Variants in ERC2 observed in about 807,000 individuals in gnomAD.
The protein encoded by ERC2 is ELKS/RAB6-interacting/CAST family member 2.
Under a neutral mutation model 114.8 loss-of-function variants are expected in ERC2, and 42 were observed. That is an observed-to-expected ratio of 0.37 (90% CI 0.29 to 0.47). ERC2 has a LOEUF of 0.47. ERC2 is among the 20% of genes least tolerant of loss of function. The pLI is 0.99. For missense variants in ERC2, 939 were observed against 1,150.7 expected (o/e 0.82, Z 2.66); for synonymous variants, 454 against 425.5 (o/e 1.07, Z -0.82).
rs180918846 is a variant in ERC2 at position 55,596,056 on chromosome 3, T to C, written c.*40-84780A>G. Among the ~76,000 whole-genome samples the C allele has an allele frequency of 3.9e-5, 6 of 152,316 alleles. No homozygotes were observed. In the East Asian group the frequency reaches 1.2e-3, roughly 29 times the overall value. ...TCTGAGTTCTTGCCAAATTGTGCTT[T>C]AGATACTATCAAAACCACTAAGAAC... On this transcript the variant is annotated intron_variant, in intron 17 of 17. Transcript: ENST00000288221.
intron 14 of ERC2, among the ~76,000 whole-genome samples, chr3:55,815,040 CCT>C (rs1378018481): frequency 4.6e-5 from 7 of 152,130 alleles, no homozygotes; most frequent in Non-Finnish European, 2.9e-5. Context: ...GTTGTAATCC[CCT>C]GTTTAGTCTG....
intron 2 of ERC2, among the ~76,000 whole-genome samples, chr3:56,313,876 GA>G (rs1227324505): frequency 6.6e-6 from 1 of 152,118 alleles, no homozygotes; most frequent in Non-Finnish European, 1.5e-5. Context: ...TCTGATTAAA[GA>G]AAAAAGAAGC....
chr3:56,257,129 C>A (rs2052574570), intron 3 of ERC2, among the ~76,000 whole-genome samples: 1 of 152,134 alleles, frequency 6.6e-6, no homozygotes, highest in Non-Finnish European at 1.5e-5. Context: ...TGGAATGAAA[C>A]AAGTGCTACC....
At chr3:55,991,264 T>C (rs1278076852) in intron 11 of ERC2, among the ~76,000 whole-genome samples, 1 of 152,190 alleles carries the variant, frequency 6.6e-6, no homozygotes, top group African/African-American at 2.4e-5. Context: ...TCCATATGGA[T>C]TGAATCTGGG....
chr3:56,296,577 G>A (rs1052217258), intron 2 of ERC2, 142 bp from the exon 3 acceptor site: 6 of 816,520 alleles, frequency 7.3e-6, no homozygotes, highest in Admixed American at 2.9e-5. Flanking sequence ...ATTCCTCCAC[G>A]GTGACTTCAG....
intron 17 of ERC2, among the ~76,000 whole-genome samples, chr3:55,624,800 G>T (rs1400249639): frequency 6.6e-6 from 1 of 152,092 alleles, no homozygotes; most frequent in Non-Finnish European, 1.5e-5. Flanking sequence ...GTATGATAAA[G>T]AAAAAGGAAG....
At chr3:56,343,608 C>T (rs957976491) in intron 2 of ERC2, among the ~76,000 whole-genome samples, 1 of 152,040 alleles carries the variant, frequency 6.6e-6, no homozygotes, top group African/African-American at 2.4e-5. Flanking sequence ...AAAAGTGAGA[C>T]TTCATCTCTA....
intron 3 of ERC2, among the ~76,000 whole-genome samples, chr3:56,219,459 T>C (rs572878775): frequency 6.6e-6 from 1 of 151,944 alleles, no homozygotes; most frequent in Non-Finnish European, 1.5e-5. Flanking sequence ...GCTAGGTGTA[T>C]AGTGGTGAAC....
intron 12 of ERC2, among the ~76,000 whole-genome samples, chr3:55,965,237 A>G (rs573473471): frequency 7.9e-5 from 12 of 152,320 alleles, no homozygotes; most frequent in African/African-American, 2.9e-4. Flanking sequence ...GCAATATCCA[A>G]TAGAACTTTC....
intron 14 of ERC2, among the ~76,000 whole-genome samples, chr3:55,749,681 A>G (rs1559593977): frequency 6.6e-6 from 1 of 152,204 alleles, no homozygotes; most frequent in Non-Finnish European, 1.5e-5. Flanking sequence ...GCACTCCGAT[A>G]GGACAGAAAC....
intron 15 of ERC2, among the ~76,000 whole-genome samples, chr3:55,705,382 T>A (rs2063428182): frequency 6.6e-6 from 1 of 152,164 alleles, no homozygotes; most frequent in African/African-American, 2.4e-5. Flanking sequence ...GAACACCAAA[T>A]GTGAGATATG....
At position 56,032,969 on chromosome 3, in the gene ERC2, GAA is replaced by G. The variant is rs1560057119; in HGVS notation, c.1642-13940_1642-13939del. Among the ~76,000 whole-genome samples the G allele has an allele frequency of 6.8e-3, 562 of 82,440 alleles. 10 individuals carry two copies. The highest frequency in any genetic ancestry group is 0.014 in the African/African-American group (293 of 21,446). 54.1% of individuals were successfully genotyped at this position (82,440 alleles called of 152,430 possible). On this transcript the variant is annotated intron_variant, in intron 7 of 17. Transcript: ENST00000288221. ...AAAGAAAGAAAGAAACAGAAAGAAA[GAA>G]AGAAAGAGAAAGAAAGAAAGAAAGA...
At chr3:55,851,101 A>G (rs2061552287) in intron 14 of ERC2, among the ~76,000 whole-genome samples, 1 of 152,086 alleles carries the variant, frequency 6.6e-6, no homozygotes, top group Non-Finnish European at 1.5e-5. Context: ...GACTGCAGAG[A>G]CTGCTGGCAC....
intron 2 of ERC2, among the ~76,000 whole-genome samples, chr3:56,354,380 C>A (rs1207065685): frequency 2.0e-5 from 3 of 152,042 alleles, no homozygotes; most frequent in Non-Finnish European, 2.9e-5. Context: ...CAAACAGGGG[C>A]AATTTTGCTC....
intron 3 of ERC2, among the ~76,000 whole-genome samples, chr3:56,232,709 C>A (rs146720268): frequency 7.2e-5 from 11 of 152,154 alleles, no homozygotes; most frequent in Non-Finnish European, 1.0e-4. Flanking sequence ...ATCAGAAATA[C>A]CCTCACCTCT....
intron 2 of ERC2, among the ~76,000 whole-genome samples, chr3:56,355,504 A>T (rs2058715927): frequency 6.6e-6 from 1 of 151,710 alleles, no homozygotes; most frequent in Admixed American, 6.6e-5. Context: ...TAAAGACAGG[A>T]TCTTCCCATG....
At chr3:55,624,002 T>G (rs358921) in intron 17 of ERC2, among the ~76,000 whole-genome samples, 2 of 152,192 alleles carry the variant, frequency 1.3e-5, no homozygotes, top group African/African-American at 4.8e-5. Context: ...CAAAGGAGAA[T>G]CTGCCAACGG....
intron 17 of ERC2, among the ~76,000 whole-genome samples, chr3:55,513,705 C>T (rs2052276610): frequency 6.6e-6 from 1 of 152,056 alleles, no homozygotes; most frequent in Admixed American, 6.6e-5. Context: ...GTGATCATGG[C>T]TCACAGCAGC....
At chr3:55,775,208 A>C (rs191303357) in intron 14 of ERC2, among the ~76,000 whole-genome samples, 188 of 152,188 alleles carry the variant, frequency 1.2e-3, no homozygotes, top group Non-Finnish European at 1.8e-3. Flanking sequence ...TTGCTTGATG[A>C]TGATAAAGAC....
Sources: gnomAD v4.1 joint callset for allele counts (sites outside exome capture counted in the v4.1 genomes callset) on GRCh38, gnomAD v4.1.1 for gene constraint, MANE v1.5 for transcripts, NCBI Gene and HGNC (gene_info 2026-07-23, HGNC 2026-07-21) for gene names.